Variants in ZNF804A observed in about 807,000 individuals in gnomAD.
The protein encoded by ZNF804A is zinc finger protein 804A.
ZNF804A carries 2 observed loss-of-function variants against 16.5 expected under a neutral mutation model. The observed-to-expected ratio is 0.12, with a 90% CI of 0.05 to 0.38. The LOEUF is 0.38. Among genes scored for constraint, ZNF804A ranks in the 10% least tolerant of loss-of-function variants. The pLI is 0.99. For synonymous variants in ZNF804A, 534 were observed against 489.6 expected, an observed-to-expected ratio of 1.09 and a Z score of -1.20; for missense variants, 1,473 against 1,390.7, an observed-to-expected ratio of 1.06 and a Z score of -0.94.
chr2:184,938,736 G>C lies in ZNF804A; in HGVS notation c.3340G>C (p.Ala1114Pro). The part of the protein sequence containing the change: ...QQHAAAAAAA[A>P]AAAAAGTFKV... ...GCACGCTGCAGCTGCTGCAGCTGCA[G>C]CTGCAGCCGCAGCTGCAGGAACCTT... Residue 1114 changes from alanine (A) to proline (P), a missense_variant, in exon 4 of 4, where the codon GCT becomes CCT. Transcript: ENST00000302277. The C allele has an allele frequency of 6.2e-7, 1 of 1,608,164 alleles. No individual in the cohort carries two copies. Among genetic ancestry groups the C allele is most frequent in the Non-Finnish European group, 8.5e-7 (1 of 1,177,338 alleles).
At chr2:184,873,862 C>T (rs931703480) in intron 2 of ZNF804A, among the ~76,000 whole-genome samples, 4 of 152,066 alleles carry the variant, frequency 2.6e-5, no homozygotes, top group Non-Finnish European at 4.4e-5. Context: ...GAAAATATTA[C>T]ACATCATTTT....
intron 1 of ZNF804A, among the ~76,000 whole-genome samples, chr2:184,727,049 G>A (rs1196307673): frequency 6.6e-5 from 10 of 151,528 alleles, no homozygotes; most frequent in Admixed American, 6.6e-4. Flanking sequence ...TTATCTATAA[G>A]CAAAATAACA....
chr2:184,893,073 CTG>C (rs1412146257), intron 2 of ZNF804A, among the ~76,000 whole-genome samples: 1 of 151,976 alleles, frequency 6.6e-6, no homozygotes, highest in Non-Finnish European at 1.5e-5. Flanking sequence ...GTAAAATATG[CTG>C]TGATAGTCAC....
chr2:184,737,263 G>C (rs1164014013), intron 1 of ZNF804A, among the ~76,000 whole-genome samples: 1 of 151,584 alleles, frequency 6.6e-6, no homozygotes, highest in African/African-American at 2.4e-5. Flanking sequence ...GGGTTTCACC[G>C]TGGTAGCCAG....
intron 1 of ZNF804A, among the ~76,000 whole-genome samples, chr2:184,603,095 C>T (rs1370823539): frequency 6.6e-6 from 1 of 152,070 alleles, no homozygotes; most frequent in Admixed American, 6.5e-5. Flanking sequence ...CCCTGCATTT[C>T]TAATATATGA....
intron 1 of ZNF804A, among the ~76,000 whole-genome samples, chr2:184,732,429 G>A (rs1019338998): frequency 1.3e-5 from 2 of 151,974 alleles, no homozygotes; most frequent in Non-Finnish European, 2.9e-5. Context: ...ACACTGTCTT[G>A]ATTACTGTAG....
chr2:184,859,230 T>A (rs553942585), intron 1 of ZNF804A, among the ~76,000 whole-genome samples: 1 of 152,240 alleles, frequency 6.6e-6, no homozygotes, highest in Admixed American at 6.5e-5. Flanking sequence ...TTCTATACTT[T>A]TATGATTTAA....
At chr2:184,698,881 A>C (rs1332893294) in intron 1 of ZNF804A, among the ~76,000 whole-genome samples, 1 of 152,100 alleles carries the variant, frequency 6.6e-6, no homozygotes, top group Non-Finnish European at 1.5e-5. Flanking sequence ...TTAAATAAGC[A>C]ATTCAGCTGA....
chr2:184,936,723 A>G lies in ZNF804A; in HGVS notation c.1327A>G (p.Met443Val). 10 of 1,613,786 alleles carry G rather than the reference A, an allele frequency of 6.2e-6. No individual in the cohort carries two copies. The highest frequency in any genetic ancestry group is 8.5e-6 in the Non-Finnish European group (10 of 1,179,872). Residue 443 changes from methionine to valine, a missense_variant, in exon 4 of 4, where the codon ATG becomes GTG. By Grantham distance (21) the Met-to-Val change is conservative. Transcript: ENST00000302277. Reference protein sequence around the residue: ...RSTVLQWPSEMLVYTTTKPSI... With the variant: ...RSTVLQWPSEVLVYTTTKPSI... Reference sequence around the variant, plus strand: ...TACAGTTCTTCAGTGGCCATCAGAAATGCTGGTTTATACAACTACGAAACC... The same window carrying G: ...TACAGTTCTTCAGTGGCCATCAGAAGTGCTGGTTTATACAACTACGAAACC...
intron 1 of ZNF804A, among the ~76,000 whole-genome samples, chr2:184,604,465 G>A (rs1431743947): frequency 6.6e-6 from 1 of 152,014 alleles, no homozygotes; most frequent in Non-Finnish European, 1.5e-5. Flanking sequence ...GAGCCACCGC[G>A]CTCGGCCACA....
intron 1 of ZNF804A, among the ~76,000 whole-genome samples, chr2:184,611,181 A>G (rs929352842): frequency 1.3e-5 from 2 of 152,144 alleles, no homozygotes; most frequent in Non-Finnish European, 2.9e-5. Flanking sequence ...AAGGGCACTA[A>G]TCTGTTATGA....
In ZNF804A at chr2:184,937,627, A is replaced by T; in HGVS notation, c.2231A>T (p.Asp744Val). 1 of 1,613,880 alleles carries T rather than the reference A, an allele frequency of 6.2e-7. No homozygotes were observed. Among genetic ancestry groups the T allele is most frequent in the Non-Finnish European group, 8.5e-7 (1 of 1,179,950 alleles). ...CACAGAAGCTTAGTTCTTCAAAATG[A>T]TATGAAACACATGAGTCAGAATCAG... The part of the protein sequence containing the change: ...QDHRSLVLQN[D>V]MKHMSQNQAV... Residue 744 changes from aspartate (D) to valine (V), a missense_variant, in exon 4 of 4, where the codon GAT (aspartate) becomes GTT (valine). Physicochemically the swap from Asp to Val is radical, Grantham distance 152 (BLOSUM62 -3). Coordinates refer to ENST00000302277, the MANE Select transcript of ZNF804A (RefSeq NM_194250.2).
rs114387659 is a variant in ZNF804A at position 184,772,396 on chromosome 2, T to G, written c.112-93973T>G. On this transcript the variant is annotated intron_variant, in intron 1 of 3. Coordinates refer to ENST00000302277, the MANE Select transcript of ZNF804A (RefSeq NM_194250.2). ...CTTATAAATAACATTGTGAAACGTC[T>G]TTCGTGACTTGCTTCTTTCATTTAG... Among the ~76,000 whole-genome samples, 1,376 of 152,166 alleles carry G rather than the reference T, an allele frequency of 9.0e-3. 23 individuals carry two copies. The highest frequency in any genetic ancestry group is 0.032 in the African/African-American group (1,315 of 41,540).
intron 1 of ZNF804A, among the ~76,000 whole-genome samples, chr2:184,768,012 T>C (rs775739764): frequency 1.3e-5 from 2 of 152,070 alleles, no homozygotes; most frequent in Non-Finnish European, 2.9e-5. Context: ...AATATATAAC[T>C]AGGACAAAGT....
chr2:184,936,927 T>C lies in ZNF804A; in HGVS notation c.1531T>C (p.Tyr511His). The part of the protein sequence containing the change: ...KDVSTEGLTD[Y>H]EIGSSKNKCS... ...TGTATCTACAGAAGGACTCACTGAT[T>C]ATGAAATTGGAAGTAGCAAAAATAA... is the stretch of plus-strand genomic sequence containing the variant. The change falls in exon 4 of 4, where the codon TAT (tyrosine) becomes CAT (histidine). Residue 511 changes from tyrosine (Y) to histidine (H), a missense_variant. Tyr to His is a moderately conservative substitution (Grantham distance 83, BLOSUM62 2). Coordinates refer to ENST00000302277, the MANE Select transcript of ZNF804A (RefSeq NM_194250.2). 6.2e-7 allele frequency: 1 copy of C among 1,613,996 alleles called. No homozygotes were observed.
chr2:184,798,380 C>G (rs1243297875), intron 1 of ZNF804A, among the ~76,000 whole-genome samples: 1 of 151,738 alleles, frequency 6.6e-6, no homozygotes, highest in Non-Finnish European at 1.5e-5. Context: ...ACCAATTATT[C>G]ATAAGTTTGG....
chr2:184,710,546 CAA>C (rs942845972), intron 1 of ZNF804A, among the ~76,000 whole-genome samples: 119 of 151,796 alleles, frequency 7.8e-4, no homozygotes, highest in African/African-American at 2.7e-3. Flanking sequence ...AGCCTCTCAA[CAA>C]AGTTTTAAGT....
intron 1 of ZNF804A, among the ~76,000 whole-genome samples, chr2:184,637,056 C>T (rs1293377734): frequency 6.6e-6 from 1 of 152,056 alleles, no homozygotes; most frequent in Non-Finnish European, 1.5e-5. Context: ...TATGTGGTTT[C>T]AATAGTTTCT....
chr2:184,893,653 A>G (rs1685019958), intron 2 of ZNF804A, among the ~76,000 whole-genome samples: 1 of 152,146 alleles, frequency 6.6e-6, no homozygotes, highest in South Asian at 2.1e-4. Context: ...CTACTAATTA[A>G]TAATGGATAA....
Sources: gnomAD v4.1 joint callset for allele counts (sites outside exome capture counted in the v4.1 genomes callset) on GRCh38, gnomAD v4.1.1 for gene constraint, MANE v1.5 for transcripts, NCBI Gene and HGNC (gene_info 2026-07-23, HGNC 2026-07-21) for gene names.